FHIT: variants seen among roughly 807,000 people sequenced by gnomAD.
FHIT encodes the protein fragile histidine triad diadenosine triphosphatase.
A neutral mutation model predicts 17.9 loss-of-function variants in FHIT; 19 were observed. The observed-to-expected ratio is 1.06, with a 90% CI of 0.74 to 1.56. The LOEUF (loss-of-function observed/expected upper bound fraction) is 1.56. Ranked by LOEUF, FHIT falls within the 40% of genes most tolerant of loss-of-function variation. FHIT has a pLI of 0.00. For synonymous variants in FHIT, 81 were observed against 69.7 expected (o/e 1.16, Z -0.81); for missense variants, 248 against 189.2 (o/e 1.31, Z -1.82).
At chr3:60,136,077 G>A (rs548213551) in intron 5 of FHIT, among the ~76,000 whole-genome samples, 4 of 152,122 alleles carry the variant, frequency 2.6e-5, no homozygotes, top group Non-Finnish European at 5.9e-5. Flanking sequence ...ACAGAGTCTA[G>A]ACTTGCTCAT....
chr3:60,140,221 ATGT>A (rs1309968041), intron 5 of FHIT, among the ~76,000 whole-genome samples: 2 of 152,124 alleles, frequency 1.3e-5, no homozygotes, highest in South Asian at 2.1e-4. Flanking sequence ...TAGTAGACAA[ATGT>A]TGTTTCTGTT....
chr3:60,060,630 G>A (rs987454193), intron 5 of FHIT, among the ~76,000 whole-genome samples: 1 of 152,176 alleles, frequency 6.6e-6, no homozygotes, highest in African/African-American at 2.4e-5. Flanking sequence ...GAAGAAAGCA[G>A]CTTAGTAGGA....
chr3:61,234,468 A>G (rs2106888871), intron 1 of FHIT, among the ~76,000 whole-genome samples: 1 of 152,312 alleles, frequency 6.6e-6, no homozygotes, highest in Non-Finnish European at 1.5e-5. Flanking sequence ...TTGACGAGTG[A>G]AAACAGAAAA....
chr3:60,553,119 T>C (rs200395317), intron 4 of FHIT, among the ~76,000 whole-genome samples: 12 of 152,200 alleles, frequency 7.9e-5, no homozygotes, highest in Non-Finnish European at 1.6e-4. Context: ...ATAATTATCT[T>C]GCTTTTATTA....
chr3:59,923,006 T>A (rs111725004), intron 7 of FHIT, among the ~76,000 whole-genome samples: 1 of 151,996 alleles, frequency 6.6e-6, no homozygotes, highest in African/African-American at 2.4e-5. Flanking sequence ...ATGCCTGTAA[T>A]CCCAGCACTT....
At chr3:60,854,229 A>G (rs761146596) in intron 3 of FHIT, among the ~76,000 whole-genome samples, 4 of 151,896 alleles carry the variant, frequency 2.6e-5, no homozygotes, top group Non-Finnish European at 5.9e-5. Context: ...GACCAATTGT[A>G]TTTTTCACTT....
chr3:60,783,987 A>G (rs782093322), intron 4 of FHIT, among the ~76,000 whole-genome samples: 12 of 152,224 alleles, frequency 7.9e-5, no homozygotes, highest in African/African-American at 2.7e-4. Context: ...TCAAACAGAC[A>G]TATCACCCCT....
intron 5 of FHIT, among the ~76,000 whole-genome samples, chr3:60,048,174 C>A (rs989350502): frequency 2.0e-5 from 3 of 152,042 alleles, no homozygotes; most frequent in Non-Finnish European, 4.4e-5. Flanking sequence ...TAAGTTCTCT[C>A]TTTCTTTGTT....
intron 3 of FHIT, among the ~76,000 whole-genome samples, chr3:61,030,432 G>C (rs1020496241): frequency 2.6e-5 from 4 of 152,178 alleles, no homozygotes; most frequent in African/African-American, 9.7e-5. Flanking sequence ...ATTTCAGTTA[G>C]TTAAAATTAA....
chr3:60,403,110 G>GTGGTACTTA (rs1341367794), intron 5 of FHIT, among the ~76,000 whole-genome samples: 3 of 152,218 alleles, frequency 2.0e-5, no homozygotes, highest in Admixed American at 6.5e-5. Flanking sequence ...AAGCGTTCAA[G>GTGGTACTTA]TGGTACTTAC....
At chr3:60,014,205 C>G (rs1223574401) in intron 5 of FHIT, 53 bp from the exon 6 acceptor site, 3 of 1,593,134 alleles carry the variant, frequency 1.9e-6, no homozygotes, top group South Asian at 2.2e-5. Flanking sequence ...AGTGTTCTTA[C>G]CAAGCAGTTC....
chr3:60,917,067 CTAAT>C (rs1707042984), intron 3 of FHIT, among the ~76,000 whole-genome samples: 1 of 152,108 alleles, frequency 6.6e-6, no homozygotes, highest in African/African-American at 2.4e-5. Context: ...TTTTTACTGG[CTAAT>C]TAGTCATTAA....
chr3:61,103,839 G>A (rs542009018), intron 2 of FHIT, among the ~76,000 whole-genome samples: 48 of 150,882 alleles, frequency 3.2e-4, no homozygotes, highest in Middle Eastern at 3.4e-3. Flanking sequence ...GATCTTTGTT[G>A]GTTTAAAGTC....
chr3:60,576,222 A>G (rs1033392842), intron 4 of FHIT, among the ~76,000 whole-genome samples: 1 of 108,132 alleles, frequency 9.2e-6, no homozygotes, highest in African/African-American at 3.4e-5. Context: ...TAAGAATATG[A>G]TTGGTAAAAT....
At chr3:60,895,713 TCTTTCTTTCTTTCTTTCTTTCTTC>T (rs1372969740) in intron 3 of FHIT, among the ~76,000 whole-genome samples, 30 of 146,450 alleles carry the variant, frequency 2.0e-4, no homozygotes, top group Non-Finnish European at 3.9e-4. Flanking sequence ...TTTCTTTCTT[TCTTTCTTTCTTTCTTTCTTTCTTC>T]TTTCTTTTGG....
intron 2 of FHIT, among the ~76,000 whole-genome samples, chr3:61,167,352 C>T (rs62268809): frequency 0.4 from 61,271 of 151,472 alleles, 12,785 homozygotes; most frequent in East Asian, 0.57. Flanking sequence ...AAAAGAAATA[C>T]GGGGCTGGGT....
intron 5 of FHIT, among the ~76,000 whole-genome samples, chr3:60,357,787 G>A (rs896673376): frequency 1.3e-5 from 2 of 149,428 alleles, no homozygotes; most frequent in African/African-American, 4.8e-5. Context: ...ATGTTCTACT[G>A]GTAATTTTCA....
intron 4 of FHIT, among the ~76,000 whole-genome samples, chr3:60,784,547 G>A (rs1443236118): frequency 6.6e-6 from 1 of 152,104 alleles, no homozygotes; most frequent in Non-Finnish European, 1.5e-5. Flanking sequence ...TGTTGGCCAG[G>A]CTGATCTTGA....
At chr3:60,183,883 T>C (rs1175661116) in intron 5 of FHIT, among the ~76,000 whole-genome samples, 1 of 152,172 alleles carries the variant, frequency 6.6e-6, no homozygotes, top group African/African-American at 2.4e-5. Flanking sequence ...AGTTCAGAGT[T>C]CCCATATATG....
Sources: allele counts gnomAD v4.1 joint callset (sites outside exome capture counted in the v4.1 genomes callset), GRCh38; gene constraint gnomAD v4.1.1; transcripts MANE v1.5; gene names NCBI Gene and HGNC (gene_info 2026-07-23, HGNC 2026-07-21).